ROBO1: variants seen among roughly 807,000 people sequenced by gnomAD.
ROBO1 encodes roundabout guidance receptor 1.
Under a neutral mutation model 195.9 loss-of-function variants are expected in ROBO1, and 149 were observed. The observed-to-expected ratio is 0.76, with a 90% CI of 0.67 to 0.87. The LOEUF (loss-of-function observed/expected upper bound fraction) is 0.87, where lower values mean the gene tolerates loss of function less well. Among genes scored for constraint, ROBO1 ranks in the 40% least tolerant of loss-of-function variants. The pLI is 0.00. For synonymous variants in ROBO1, 816 were observed against 733.2 expected (o/e 1.11, Z -1.82); for missense variants, 1,933 against 2,068.3 (o/e 0.93, Z 1.27).
chr3:78,642,097 C>G (rs369107713), intron 21 of ROBO1, among the ~76,000 whole-genome samples: 1 of 151,666 alleles, frequency 6.6e-6, no homozygotes, highest in African/African-American at 2.4e-5. Context: ...CTTATATATT[C>G]GAGCTTAAGA....
chr3:79,373,541 A>C (rs2036278383), intron 2 of ROBO1, among the ~76,000 whole-genome samples: 1 of 152,248 alleles, frequency 6.6e-6, no homozygotes, highest in Non-Finnish European at 1.5e-5. Flanking sequence ...AGATACACAC[A>C]GAAAAACTGA....
At chr3:79,175,447 C>T (rs74494901) in intron 2 of ROBO1, among the ~76,000 whole-genome samples, 20,211 of 152,190 alleles carry the variant, frequency 0.13, 2,136 homozygotes, top group African/African-American at 0.29. Flanking sequence ...TGCCTGGCCC[C>T]ACCCTGCATA....
chr3:79,375,938 C>T (rs555646369), intron 2 of ROBO1, among the ~76,000 whole-genome samples: 1 of 152,238 alleles, frequency 6.6e-6, no homozygotes, highest in South Asian at 2.1e-4. Context: ...AGGTTTGGGT[C>T]TGAGTACCAC....
chr3:79,355,371 A>G (rs2035509708), intron 2 of ROBO1, among the ~76,000 whole-genome samples: 1 of 152,182 alleles, frequency 6.6e-6, no homozygotes, highest in Non-Finnish European at 1.5e-5. Flanking sequence ...AATCAGGGTA[A>G]CTAACATCCC....
chr3:79,091,481 GT>G (rs777261411), intron 3 of ROBO1, among the ~76,000 whole-genome samples: 16 of 151,960 alleles, frequency 1.1e-4, no homozygotes, highest in Non-Finnish European at 8.8e-5. Context: ...AACACATACA[GT>G]AAGTGTAGTA....
chr3:78,662,761 T>C (rs1707505763), intron 14 of ROBO1, among the ~76,000 whole-genome samples: 1 of 152,138 alleles, frequency 6.6e-6, no homozygotes, highest in Non-Finnish European at 1.5e-5. Flanking sequence ...TGATGATCCT[T>C]TAGTTTAGTT....
At chr3:79,122,840 G>A (rs889782923) in intron 3 of ROBO1, among the ~76,000 whole-genome samples, 3 of 151,840 alleles carry the variant, frequency 2.0e-5, no homozygotes, top group African/African-American at 7.3e-5. Context: ...ATGTTTTCCA[G>A]GACTATACAG....
intron 3 of ROBO1, among the ~76,000 whole-genome samples, chr3:78,956,627 T>C (rs1339897865): frequency 6.6e-6 from 1 of 151,944 alleles, no homozygotes; most frequent in Non-Finnish European, 1.5e-5. Context: ...AAGAAGAAAA[T>C]GTTAAGTGAT....
At chr3:79,137,848 C>A (rs1043160917) in intron 2 of ROBO1, among the ~76,000 whole-genome samples, 7 of 152,042 alleles carry the variant, frequency 4.6e-5, no homozygotes, top group Non-Finnish European at 8.8e-5. Flanking sequence ...AGCATACAAA[C>A]AATGGGACAC....
chr3:79,762,663 T>C (rs926637817), intron 1 of ROBO1, among the ~76,000 whole-genome samples: 1 of 148,762 alleles, frequency 6.7e-6, no homozygotes, highest in Non-Finnish European at 1.5e-5. Flanking sequence ...ATCCTGAGTG[T>C]TTAAGAAAAT....
intron 1 of ROBO1, among the ~76,000 whole-genome samples, chr3:79,755,744 C>G (rs941229004): frequency 6.6e-6 from 1 of 152,222 alleles, no homozygotes; most frequent in African/African-American, 2.4e-5. Context: ...ACTACAAGAA[C>G]CTTCCTTGTA....
intron 2 of ROBO1, among the ~76,000 whole-genome samples, chr3:79,326,755 A>G (rs778546811): frequency 3.3e-5 from 5 of 152,198 alleles, no homozygotes; most frequent in Admixed American, 2.0e-4. Flanking sequence ...AAATTCTTTA[A>G]AACTAAAAGT....
At chr3:79,539,795 A>C (rs1476804548) in intron 2 of ROBO1, among the ~76,000 whole-genome samples, 2 of 152,074 alleles carry the variant, frequency 1.3e-5, no homozygotes, top group Non-Finnish European at 2.9e-5. Context: ...CCTCCATAAC[A>C]CATATGCCCA....
chr3:78,611,772 A>G lies in ROBO1; in HGVS notation c.4435+2876T>C, dbSNP rs765128117. ...GAGGTAATGAAGTTAAAATGAGGTC[A>G]CCGGGGTAGGTCCTAATCCATAACT... On this transcript the variant is annotated intron_variant, in intron 28 of 30. Coordinates refer to ENST00000464233, the MANE Select transcript of ROBO1 (RefSeq NM_002941.4). 4.3e-4 allele frequency among the ~76,000 whole-genome samples: 66 copies of G among 152,180 alleles called. 1 individual carries two copies. Among genetic ancestry groups the G allele is most frequent in the Non-Finnish European group, 8.5e-4 (58 of 68,036 alleles).
At chr3:79,631,261 C>A (rs1462568344) in intron 1 of ROBO1, among the ~76,000 whole-genome samples, 1 of 151,748 alleles carries the variant, frequency 6.6e-6, no homozygotes, top group African/African-American at 2.4e-5. Context: ...GTAACGAAAA[C>A]AGTATGGTAC....
At chr3:79,754,556 G>A (rs754017475) in intron 1 of ROBO1, among the ~76,000 whole-genome samples, 1 of 152,192 alleles carries the variant, frequency 6.6e-6, no homozygotes, top group Non-Finnish European at 1.5e-5. Flanking sequence ...GAATGACCGA[G>A]CATCTCAGCA....
intron 2 of ROBO1, among the ~76,000 whole-genome samples, chr3:79,401,367 G>A (rs1298532350): frequency 6.6e-6 from 1 of 151,862 alleles, no homozygotes; most frequent in East Asian, 1.9e-4. Flanking sequence ...TTGGTATTCA[G>A]TCCTCTACAT....
At chr3:79,566,080 A>T (rs1943080931) in intron 2 of ROBO1, among the ~76,000 whole-genome samples, 1 of 152,096 alleles carries the variant, frequency 6.6e-6, no homozygotes, top group African/African-American at 2.4e-5. Flanking sequence ...TTTTAGTATT[A>T]AAAATATTTA....
intron 4 of ROBO1, among the ~76,000 whole-genome samples, chr3:78,884,115 T>A (rs909384193): frequency 2.0e-5 from 3 of 152,148 alleles, no homozygotes; most frequent in African/African-American, 7.2e-5. Context: ...AGCCACTCAA[T>A]ACATTTTTTA....
Sources: gnomAD v4.1 joint callset for allele counts (sites outside exome capture counted in the v4.1 genomes callset) on GRCh38, gnomAD v4.1.1 for gene constraint, MANE v1.5 for transcripts, NCBI Gene and HGNC (gene_info 2026-07-23, HGNC 2026-07-21) for gene names.